PSMD1: variants seen among roughly 807,000 people sequenced by gnomAD.
PSMD1 encodes the protein proteasome 26S subunit, non-ATPase 1, also known as 26S proteasome non-ATPase regulatory subunit 1.
PSMD1 carries 18 observed loss-of-function variants against 119.0 expected under a neutral mutation model. The observed-to-expected ratio is 0.15, with a 90% CI of 0.10 to 0.22. The LOEUF (loss-of-function observed/expected upper bound fraction) is 0.22, where lower values mean the gene tolerates loss of function less well. Ranked by LOEUF, PSMD1 falls within the 10% of genes least tolerant of loss-of-function variation. The probability of loss-of-function intolerance (pLI) is 1.00; values close to 1 mark genes in which losing one functional copy is unlikely to be tolerated. For missense variants in PSMD1, 702 were observed against 1,158.5 expected (o/e 0.61, Z 5.72); for synonymous variants, 374 against 396.6 (o/e 0.94, Z 0.68).
intron 17 of PSMD1, among the ~76,000 whole-genome samples, chr2:231,144,805 CCTTT>C (rs1279479638): frequency 6.6e-6 from 1 of 152,136 alleles, no homozygotes; most frequent in Non-Finnish European, 1.5e-5. Flanking sequence ...AGTTATTTAA[CCTTT>C]CTATCTCTCA....
At chr2:231,113,285 C>T (rs75643103) in intron 16 of PSMD1, among the ~76,000 whole-genome samples, 3,392 of 152,204 alleles carry the variant, frequency 0.022, 137 homozygotes, top group African/African-American at 0.077. Context: ...GATACCTGCC[C>T]ACAAAATGTT....
At chr2:231,123,736 A>G (rs1229553417) in intron 16 of PSMD1, 4 of 1,613,916 alleles carry the variant, frequency 2.5e-6, no homozygotes, top group Non-Finnish European at 3.4e-6. Context: ...TGTGCTTTGA[A>G]GTTCAGACAC....
chr2:231,097,755 G>A (rs541264584), intron 16 of PSMD1, among the ~76,000 whole-genome samples: 5 of 152,116 alleles, frequency 3.3e-5, no homozygotes, highest in East Asian at 1.9e-4. Flanking sequence ...CGTGAGAGTC[G>A]AAAGACCCAT....
intron 5 of PSMD1, among the ~76,000 whole-genome samples, chr2:231,069,730 T>G (rs1007727727): frequency 1.2e-4 from 18 of 152,368 alleles, no homozygotes; most frequent in African/African-American, 4.3e-4. Flanking sequence ...TGTATATCTT[T>G]TATAATAATT....
chr2:231,135,074 A>G (rs1695937401), intron 16 of PSMD1, among the ~76,000 whole-genome samples: 2 of 152,304 alleles, frequency 1.3e-5, no homozygotes, highest in Non-Finnish European at 1.5e-5. Context: ...TTTTATTGGT[A>G]ATTAATTAGG....
intron 12 of PSMD1, among the ~76,000 whole-genome samples, chr2:231,081,374 A>C (rs1013123186): frequency 6.6e-6 from 1 of 152,230 alleles, no homozygotes; most frequent in Non-Finnish European, 1.5e-5. Flanking sequence ...AACTTGAATA[A>C]GAAGTTTATT....
In PSMD1 at chr2:231,066,821, A is replaced by G. The variant is rs1693919986; in HGVS notation, c.305-85A>G. 2.8e-6 allele frequency: 3 copies of G among 1,087,982 alleles called. No homozygotes were observed. In the South Asian group the frequency reaches 5.1e-5, roughly 18 times the overall value. The allele number at this position is 1,087,982 out of a possible 1,614,324, so 67.4% of individuals were successfully genotyped here. ...ATTGCTTTATAGTCATCCCATAAGT[A>G]TATATGATTATAAATATAGGCATTG... On this transcript the variant is annotated intron_variant, in intron 4 of 24. Coordinates refer to ENST00000308696, the MANE Select transcript of PSMD1 (RefSeq NM_002807.4).
chr2:231,120,186 A>G lies in PSMD1; in HGVS notation c.1884-18550A>G, dbSNP rs963733582. Among the ~76,000 whole-genome samples the G allele has an allele frequency of 2.0e-5, 3 of 152,174 alleles. No homozygotes were observed. In the South Asian group the frequency reaches 6.2e-4, roughly 32 times the overall value. Reference sequence around the variant, plus strand: ...AGGCTGGTCTCGAACTCCTGACCTCAGGTGATCCATCCGTTTCAGCCTCCT... The same window carrying G: ...AGGCTGGTCTCGAACTCCTGACCTCGGGTGATCCATCCGTTTCAGCCTCCT... On this transcript the variant is annotated intron_variant, in intron 16 of 24. Transcript: ENST00000308696.
At chr2:231,093,766 C>T (rs780167170) in intron 16 of PSMD1, among the ~76,000 whole-genome samples, 1 of 152,016 alleles carries the variant, frequency 6.6e-6, no homozygotes, top group Admixed American at 6.6e-5. Flanking sequence ...CATATTCCCC[C>T]TTTTTTGTTT....
chr2:231,093,036 A>G (rs967448882), intron 16 of PSMD1, among the ~76,000 whole-genome samples: 5 of 152,176 alleles, frequency 3.3e-5, no homozygotes, highest in South Asian at 4.1e-4. Context: ...GGGTAAGTCA[A>G]TCCCTCCTAG....
chr2:231,123,521 CCA>C, intron 16 of PSMD1: 1 of 1,613,930 alleles, frequency 6.2e-7, no homozygotes, highest in South Asian at 1.1e-5. Context: ...AGCTTCTTCT[CCA>C]GTGAAACAGC....
intron 16 of PSMD1, among the ~76,000 whole-genome samples, chr2:231,091,606 CAT>C (rs1410981205): frequency 1.3e-5 from 2 of 152,196 alleles, no homozygotes; most frequent in Non-Finnish European, 2.9e-5. Flanking sequence ...ATAAGACAAA[CAT>C]GAGTATAATC....
At chr2:231,161,573 G>A (rs996354515) in intron 20 of PSMD1, 64 bp downstream of exon 20, 10 of 1,437,846 alleles carry the variant, frequency 7.0e-6, no homozygotes, top group South Asian at 2.7e-5. Flanking sequence ...CATATTTACC[G>A]CCCACTTGCA....
rs1279853967 is a variant in PSMD1 at position 231,087,096 on chromosome 2, A to G, written c.1819-21A>G. ...GTGGTAGACTACATAGTATAATATA[A>G]TCTTAAACTTTTCCCCCTAGGTAAG... is the stretch of plus-strand genomic sequence containing the variant. On this transcript the variant is annotated intron_variant, in intron 15 of 24. Transcript: ENST00000308696. 1.9e-6 allele frequency: 3 copies of G among 1,608,332 alleles called. No individual in the cohort carries two copies. The African/African-American group carries it at 4.0e-5, about 22-fold the overall frequency.
chr2:231,161,301 A>C, intron 19 of PSMD1, 39 bp from the exon 20 acceptor site: 1 of 1,489,344 alleles, frequency 6.7e-7, no homozygotes. Flanking sequence ...ATAATAGGAC[A>C]ATACTATTAT....
intron 16 of PSMD1, among the ~76,000 whole-genome samples, chr2:231,116,035 A>G (rs1695319626): frequency 6.6e-6 from 1 of 152,100 alleles, no homozygotes; most frequent in Non-Finnish European, 1.5e-5. Context: ...GGAATGTCTC[A>G]TGGAAAGGAA....
intron 12 of PSMD1, 50 bp downstream of exon 12, chr2:231,080,364 T>A: frequency 7.0e-7 from 1 of 1,422,900 alleles, no homozygotes; most frequent in Middle Eastern, 1.8e-4. Flanking sequence ...GAATCCAGGA[T>A]AACATATTTG....
chr2:231,113,079 G>A (rs987527934), intron 16 of PSMD1, among the ~76,000 whole-genome samples: 1 of 152,100 alleles, frequency 6.6e-6, no homozygotes, highest in Non-Finnish European at 1.5e-5. Flanking sequence ...TGGGAGGATC[G>A]CTTGAGCCCG....
chr2:231,076,465 G>A (rs1048547417), intron 8 of PSMD1, among the ~76,000 whole-genome samples: 1 of 152,134 alleles, frequency 6.6e-6, no homozygotes, highest in Admixed American at 6.5e-5. Flanking sequence ...TCAGGAGTTC[G>A]AAACTAGCCT....
Sources: gnomAD v4.1 joint callset for allele counts (sites outside exome capture counted in the v4.1 genomes callset) on GRCh38, gnomAD v4.1.1 for gene constraint, MANE v1.5 for transcripts, NCBI Gene and HGNC (gene_info 2026-07-23, HGNC 2026-07-21) for gene names.